The following ALMS1 variants were observed in gnomAD, a reference collection of about 807,000 sequenced individuals.
ALMS1 encodes ALMS1 centrosome and basal body associated protein.
ALMS1 carries 271 observed loss-of-function variants against 352.2 expected under a neutral mutation model. The observed-to-expected ratio is 0.77, with a 90% CI of 0.70 to 0.85. The LOEUF (loss-of-function observed/expected upper bound fraction) is 0.85. Among genes scored for constraint, ALMS1 ranks in the 40% least tolerant of loss-of-function variants. The pLI is 0.00. For missense variants in ALMS1, 5,445 were observed against 4,870.7 expected (o/e 1.12, Z -3.51); for synonymous variants, 1,865 against 1,761.2 (o/e 1.06, Z -1.48).
At chr2:73,400,027 T>A (rs1266353339) in intron 1 of ALMS1, among the ~76,000 whole-genome samples, 7 of 148,700 alleles carry the variant, frequency 4.7e-5, no homozygotes, top group Non-Finnish European at 8.9e-5. Context: ...AACCTCTGCC[T>A]CCAAGGCTCA....
chr2:73,398,353 G>A (rs72907399), intron 1 of ALMS1, among the ~76,000 whole-genome samples: 4,354 of 152,172 alleles, frequency 0.029, 216 homozygotes, highest in African/African-American at 0.098. Flanking sequence ...TGTCTATTTC[G>A]TTGATACATG....
At position 73,593,421 on chromosome 2, in the gene ALMS1, G is replaced by A. The variant is rs112602970; in HGVS notation, c.11548-5980G>A. On this transcript the variant is annotated intron_variant, in intron 16 of 22. Transcript: ENST00000613296. ...ATTGTTTGTTGTTTATTACATGAAG[G>A]CAACACTGTTTATCACTTTCCAAGG... 4.3e-3 allele frequency among the ~76,000 whole-genome samples: 650 copies of A among 152,194 alleles called. 6 individuals carry two copies. Among genetic ancestry groups the A allele is most frequent in the African/African-American group, 0.015 (619 of 41,520 alleles).
intron 2 of ALMS1, among the ~76,000 whole-genome samples, 163 bp from the exon 3 acceptor site, chr2:73,418,957 TGTA>T (rs1349422803): frequency 6.6e-6 from 1 of 152,206 alleles, no homozygotes; most frequent in Non-Finnish European, 1.5e-5. Context: ...AGGTCTAAAA[TGTA>T]GTTAATATTG....
At chr2:73,497,505 C>T (rs184825782) in intron 10 of ALMS1, among the ~76,000 whole-genome samples, 30 of 151,860 alleles carry the variant, frequency 2.0e-4, no homozygotes, top group African/African-American at 3.9e-4. Flanking sequence ...GCAATAAAGC[C>T]GGTCACCTAA....
intron 7 of ALMS1, among the ~76,000 whole-genome samples, chr2:73,434,712 A>G (rs1489475949): frequency 1.3e-5 from 2 of 151,916 alleles, no homozygotes; most frequent in Non-Finnish European, 2.9e-5. Context: ...TTAATTGTCT[A>G]TTTCTCCCCT....
intron 12 of ALMS1, among the ~76,000 whole-genome samples, chr2:73,544,379 C>G (rs190216854): frequency 2.0e-5 from 3 of 151,718 alleles, no homozygotes; most frequent in Non-Finnish European, 4.4e-5. Context: ...GTGGGGGAAG[C>G]GGGGAGGGAT....
chr2:73,598,112 G>A (rs1019302719), intron 16 of ALMS1, among the ~76,000 whole-genome samples: 5 of 152,162 alleles, frequency 3.3e-5, no homozygotes, highest in Admixed American at 6.5e-5. Flanking sequence ...TTTGGATAAG[G>A]TTGGTTCAAT....
At chr2:73,514,607 A>G (rs1673519319) in intron 10 of ALMS1, among the ~76,000 whole-genome samples, 3 of 152,168 alleles carry the variant, frequency 2.0e-5, no homozygotes, top group African/African-American at 7.2e-5. Flanking sequence ...TATACACAAG[A>G]GTGTATGTAT....
chr2:73,566,789 G>A (rs533800926), intron 15 of ALMS1, among the ~76,000 whole-genome samples: 6 of 152,290 alleles, frequency 3.9e-5, no homozygotes, highest in African/African-American at 1.4e-4. Flanking sequence ...TGACCAACTA[G>A]CTCCAAATTG....
rs1390209495 is a variant in ALMS1, at chr2:73,424,636, T to C, written c.971T>C (p.Ile324Thr). The change falls in exon 5 of 23, where the codon ATT (isoleucine) becomes ACT (threonine). Residue 324 changes from isoleucine (I) to threonine (T), a missense_variant. Physicochemically the swap from Ile to Thr is moderately conservative, Grantham distance 89. Transcript: ENST00000613296. ...PSEQGNNEET[I>T]SSVDELKIPK... ...GAACAAGGGAATAATGAAGAGACTA[T>C]TTCGTCTGTTGATGAACTGAAAATT... 1.2e-6 allele frequency: 2 copies of C among 1,613,918 alleles called. No homozygotes were observed. Among genetic ancestry groups the C allele is most frequent in the African/African-American group, 2.7e-5 (2 of 74,928 alleles).
At chr2:73,390,156 A>G (rs1473827363) in intron 1 of ALMS1, among the ~76,000 whole-genome samples, 3 of 152,212 alleles carry the variant, frequency 2.0e-5, no homozygotes, top group Admixed American at 2.0e-4. Flanking sequence ...TCTGTATTAA[A>G]GGTAGATTTA....
chr2:73,563,354 ATAACT>A (rs949745206), intron 15 of ALMS1, among the ~76,000 whole-genome samples: 2 of 152,194 alleles, frequency 1.3e-5, no homozygotes, highest in Non-Finnish European at 2.9e-5. Context: ...TAAACATCAA[ATAACT>A]TAGCATAAAA....
At chr2:73,517,246 C>CTTTT (rs770879267) in intron 10 of ALMS1, among the ~76,000 whole-genome samples, 11 of 104,970 alleles carry the variant, frequency 1.0e-4, no homozygotes, top group African/African-American at 3.8e-4. Flanking sequence ...AAGTTTTAGT[C>CTTTT]TTTTTTTTTT....
At chr2:73,537,108 C>A (rs2103996564) in intron 12 of ALMS1, among the ~76,000 whole-genome samples, 1 of 152,296 alleles carries the variant, frequency 6.6e-6, no homozygotes, top group African/African-American at 2.4e-5. Flanking sequence ...GACTGGGAGC[C>A]ATCCAGTGCT....
rs1672940803 is a variant in ALMS1 at position 73,489,972 on chromosome 2, A to G, written c.8013A>G (p.Pro2671=). 3.7e-6 allele frequency: 6 copies of G among 1,614,240 alleles called. No individual in the cohort carries two copies. In the East Asian group the frequency reaches 8.9e-5, roughly 24 times the overall value. ...AAATCAGCAAAGGTCTTCGAATGCC[A>G]TTCGATGAAAAGATGGACCCTTGGC... ...EFKISKGLRM[P]FDEKMDPWLS... is the part of the protein sequence containing the mutation. The change falls in exon 10 of 23, where the codon CCA becomes CCG. Residue 2671 remains proline (P), a synonymous_variant. Coordinates refer to ENST00000613296, the MANE Select transcript of ALMS1 (RefSeq NM_001378454.1).
intron 1 of ALMS1, among the ~76,000 whole-genome samples, chr2:73,401,336 A>T (rs1260198663): frequency 6.6e-6 from 1 of 151,794 alleles, no homozygotes; most frequent in Non-Finnish European, 1.5e-5. Context: ...TTGATTTCAG[A>T]TTTTTTTCCT....
At chr2:73,499,202 A>AT (rs1673170315) in intron 10 of ALMS1, among the ~76,000 whole-genome samples, 2 of 151,780 alleles carry the variant, frequency 1.3e-5, no homozygotes, top group South Asian at 2.1e-4. Flanking sequence ...GGATTATTAG[A>AT]TTTTTTCCTA....
At chr2:73,607,381 A>G (rs1675838906) in intron 21 of ALMS1, among the ~76,000 whole-genome samples, 1 of 152,154 alleles carries the variant, frequency 6.6e-6, no homozygotes, top group Non-Finnish European at 1.5e-5. Context: ...CATTTATCAA[A>G]TGCACATTTG....
intron 21 of ALMS1, 129 bp from the exon 22 acceptor site, chr2:73,608,346 G>A: frequency 2.6e-6 from 2 of 765,526 alleles, no homozygotes; most frequent in Non-Finnish European, 4.6e-6. Context: ...ACGGGGCCCA[G>A]GGCCTTTCTG....
Sources: allele counts gnomAD v4.1 joint callset (sites outside exome capture counted in the v4.1 genomes callset), GRCh38; gene constraint gnomAD v4.1.1; transcripts MANE v1.5; gene names NCBI Gene and HGNC (gene_info 2026-07-23, HGNC 2026-07-21).